The following ANKMY1 variants were observed in gnomAD, a reference collection of about 807,000 sequenced individuals.
ANKMY1 encodes ankyrin repeat and MYND domain containing 1.
A neutral mutation model predicts 102.0 loss-of-function variants in ANKMY1; 98 were observed. The observed-to-expected ratio is 0.96, with a 90% CI of 0.82 to 1.14. The LOEUF (loss-of-function observed/expected upper bound fraction) is 1.14, where lower values mean the gene tolerates loss of function less well. Ranked by LOEUF, ANKMY1 falls within the 50% of genes most tolerant of loss-of-function variation. The pLI is 0.00. For missense variants in ANKMY1, 1,330 were observed against 1,347.6 expected, an observed-to-expected ratio of 0.99 and a Z score of 0.20; for synonymous variants, 582 against 559.9, an observed-to-expected ratio of 1.04 and a Z score of -0.56.
intron 2 of ANKMY1, among the ~76,000 whole-genome samples, 160 bp downstream of exon 2, chr2:240,557,029 AG>A (rs1439916050): frequency 1.3e-4 from 3 of 23,790 alleles, no homozygotes; most frequent in East Asian, 8.5e-3. Flanking sequence ...TTTCCTCAGT[AG>A]GTTGCTGACA....
upstream of ANKMY1, chr2:240,558,127 C>G (rs1429516176): frequency 4.2e-5 from 13 of 308,398 alleles, no homozygotes; most frequent in Non-Finnish European, 5.2e-5. Context: ...GGCTTGGGGC[C>G]GACACCCCGC....
rs192925132 is a variant in ANKMY1 at position 240,542,267 on chromosome 2, G to C, written c.480+10647C>G. Among the ~76,000 whole-genome samples, 62 of 151,854 alleles carry C rather than the reference G, an allele frequency of 4.1e-4. No individual in the cohort carries two copies. The East Asian group carries it at 0.011, about 27-fold the overall frequency. ...TCATGCCTGTAATCTCAGCACTTTG[G>C]GAAGTCAGGGCAGGTGGGTTACAAG... On this transcript the variant is annotated intron_variant, in intron 4 of 17. Transcript: ENST00000401804.
intron 4 of ANKMY1, among the ~76,000 whole-genome samples, chr2:240,535,977 T>G (rs2086633788): frequency 6.6e-6 from 1 of 152,120 alleles, no homozygotes; most frequent in Non-Finnish European, 1.5e-5. Flanking sequence ...TTGGCCAAAG[T>G]CTGGGTCATA....
Position 240,480,921 on chromosome 2 carries a change from C to T in ANKMY1, c.3046+16G>A. The T allele has an allele frequency of 6.2e-7, 1 of 1,600,142 alleles. No individual in the cohort carries two copies. Among genetic ancestry groups the T allele is most frequent in the Non-Finnish European group, 8.6e-7 (1 of 1,168,970 alleles). On this transcript the variant is annotated intron_variant, in intron 17 of 17. Coordinates refer to ENST00000401804, the MANE Select transcript of ANKMY1 (RefSeq NM_001282771.3). ...AGCAGCGGAACCCTTGCCTCCCAGC[C>T]TGAGGGCCGACCTACCGATGGCCAC...
intron 4 of ANKMY1, among the ~76,000 whole-genome samples, chr2:240,537,494 T>C (rs578093073): frequency 1.1e-4 from 16 of 152,348 alleles, no homozygotes; most frequent in Non-Finnish European, 2.2e-4. Context: ...TATTTCTCTC[T>C]GGCTGCAGTC....
Position 240,524,287 on chromosome 2 carries a change from T to A in ANKMY1, c.1430A>T (p.Gln477Leu). 6.2e-7 allele frequency: 1 copy of A among 1,613,774 alleles called. No homozygotes were observed. Among genetic ancestry groups the A allele is most frequent in the South Asian group, 1.1e-5 (1 of 91,082 alleles). The change falls in exon 8 of 18, where the codon CAG becomes CTG. Residue 477 changes from glutamine to leucine, a missense_variant. By Grantham distance (113) the Gln-to-Leu change is moderately radical. Coordinates refer to ENST00000401804, the MANE Select transcript of ANKMY1 (RefSeq NM_001282771.3). Reference sequence around the variant, plus strand: ...CGGTGGCCTCAGCTCATAGCTACCCTGGGAAGGCACGTTCACCTCATAGTA... The same window carrying A: ...CGGTGGCCTCAGCTCATAGCTACCCAGGGAAGGCACGTTCACCTCATAGTA... ...SLYYEVNVPS[Q>L]GSYELRPPPA...
chr2:240,526,766 A>C, intron 5 of ANKMY1: 1 of 1,272,190 alleles, frequency 7.9e-7, no homozygotes, highest in Non-Finnish European at 1.0e-6. Context: ...GGGCTGTAAC[A>C]GCAAAGGCCC....
intron 3 of ANKMY1, 96 bp downstream of exon 3, chr2:240,554,770 G>T: frequency 7.2e-7 from 1 of 1,396,588 alleles, no homozygotes; most frequent in Non-Finnish European, 9.9e-7. Flanking sequence ...TCCTGTTGAT[G>T]GGCCTAAAAG....
Position 240,554,622 on chromosome 2 carries a change from A to C in ANKMY1, c.336+244T>G, listed in dbSNP as rs553811964. 2.3e-4 allele frequency: 112 copies of C among 497,326 alleles called. 1 individual carries two copies. Among genetic ancestry groups the C allele is most frequent in the African/African-American group, 1.8e-3 (94 of 52,894 alleles). 30.8% of individuals were successfully genotyped at this position (497,326 alleles called of 1,614,324 possible). A position where few individuals can be genotyped will look rare whatever the true frequency, so the allele number is the denominator to read the frequency against. ...AATTTTAAAACGTCTGCCCAGAATA[A>C]GAACTTATCTTCTTAAGTCACAGCT... is the stretch of plus-strand genomic sequence containing the variant. On this transcript the variant is annotated intron_variant, in intron 3 of 17. Coordinates refer to ENST00000401804, the MANE Select transcript of ANKMY1 (RefSeq NM_001282771.3).
chr2:240,469,267 C>T, the ANKMY1 span, among the ~76,000 whole-genome samples: 10 of 152,170 alleles, frequency 6.6e-5, no homozygotes, highest in Non-Finnish European at 1.3e-4. Flanking sequence ...TGTGCAGAGC[C>T]GACACCACGC....
intron 4 of ANKMY1, among the ~76,000 whole-genome samples, chr2:240,549,714 C>T (rs974852641): frequency 2.6e-5 from 4 of 152,322 alleles, no homozygotes; most frequent in Admixed American, 2.6e-4. Context: ...AGGACATGAA[C>T]AGACACTTCT....
chr2:240,533,470 TTTTA>T (rs2085940485), intron 4 of ANKMY1, among the ~76,000 whole-genome samples: 1 of 152,208 alleles, frequency 6.6e-6, no homozygotes, highest in South Asian at 2.1e-4. Context: ...TTAAAAATAT[TTTTA>T]TTTAACTCAA....
At chr2:240,560,926 A>C, upstream of ANKMY1, 1 of 1,538,200 alleles carries the variant, frequency 6.5e-7, no homozygotes, top group Non-Finnish European at 8.7e-7. Flanking sequence ...CTGCTGGCGC[A>C]CCTGGAGCCC....
chr2:240,475,950 T>C (rs1311633147), downstream of ANKMY1, among the ~76,000 whole-genome samples: 1 of 152,176 alleles, frequency 6.6e-6, no homozygotes, highest in South Asian at 2.1e-4. Context: ...CTCAATGCAA[T>C]GTCTATCAAA....
chr2:240,547,897 G>A (rs896541546), intron 4 of ANKMY1, among the ~76,000 whole-genome samples: 1 of 150,782 alleles, frequency 6.6e-6, no homozygotes, highest in African/African-American at 2.4e-5. Context: ...AAAGAGTCCA[G>A]GACCAGATGG....
chr2:240,560,986 T>C (rs2092931481), upstream of ANKMY1: 1 of 1,544,406 alleles, frequency 6.5e-7, no homozygotes, highest in Non-Finnish European at 8.6e-7. Context: ...GCCTGCCTAG[T>C]CTACTGCAAG....
intron 4 of ANKMY1, among the ~76,000 whole-genome samples, chr2:240,545,304 C>G: frequency 6.6e-6 from 1 of 152,198 alleles, no homozygotes; most frequent in Non-Finnish European, 1.5e-5. Flanking sequence ...AGGGTCCTGT[C>G]TGTTAGAAGG....
At chr2:240,500,164 G>A (rs373376043) in intron 14 of ANKMY1, 41 bp from the exon 15 acceptor site, 87 of 1,527,110 alleles carry the variant, frequency 5.7e-5, no homozygotes, top group African/African-American at 5.1e-4. Context: ...TCCCGGGCCC[G>A]CCCCTCACTG....
chr2:240,528,509 G>C (rs1328169426), intron 5 of ANKMY1, among the ~76,000 whole-genome samples: 1 of 152,014 alleles, frequency 6.6e-6, no homozygotes, highest in African/African-American at 2.4e-5. Flanking sequence ...CCATATAACA[G>C]TAACAACAAA....
Sources: allele counts gnomAD v4.1 joint callset (sites outside exome capture counted in the v4.1 genomes callset), GRCh38; gene constraint gnomAD v4.1.1; transcripts MANE v1.5; gene names NCBI Gene and HGNC (gene_info 2026-07-23, HGNC 2026-07-21).